Variants in DTNB observed in about 807,000 individuals in gnomAD.
DTNB encodes dystrobrevin beta, also known as DTN-B.
In DTNB, 63 loss-of-function variants were observed where a neutral mutation model predicts 90.7. That is an observed-to-expected ratio of 0.69 (90% CI 0.57 to 0.86). The LOEUF (loss-of-function observed/expected upper bound fraction) is 0.86. Among genes scored for constraint, DTNB ranks in the 40% least tolerant of loss-of-function variants. DTNB has a pLI of 0.00. For synonymous variants in DTNB, 277 were observed against 286.7 expected (o/e 0.97, Z 0.34); for missense variants, 744 against 807.1 (o/e 0.92, Z 0.95).
intron 2 of DTNB, among the ~76,000 whole-genome samples, chr2:25,643,109 G>A (rs931995675): frequency 6.6e-5 from 10 of 152,052 alleles, no homozygotes; most frequent in African/African-American, 1.9e-4. Flanking sequence ...GTACTACCCA[G>A]CTCAACTAAA....
chr2:25,441,964 A>AT (rs200610357), intron 12 of DTNB, among the ~76,000 whole-genome samples: 32 of 151,008 alleles, frequency 2.1e-4, no homozygotes, highest in Admixed American at 4.0e-4. Context: ...CCCTAAACAG[A>AT]TTTTTTTTTT....
chr2:25,512,607 G>A (rs1007983656), intron 9 of DTNB, among the ~76,000 whole-genome samples: 22 of 152,194 alleles, frequency 1.4e-4, no homozygotes, highest in African/African-American at 5.1e-4. Flanking sequence ...AACAATAAGA[G>A]CTCAAGGAAT....
At position 25,582,993 on chromosome 2, in the gene DTNB, A is replaced by ACTCAC. The variant is rs150243114; in HGVS notation, c.604-2172_604-2168dup. Among the ~76,000 whole-genome samples the ACTCAC allele has an allele frequency of 6.5e-4, 99 of 152,152 alleles. 2 individuals carry two copies. In the East Asian group the frequency reaches 0.018, roughly 27 times the overall value. On this transcript the variant is annotated intron_variant, in intron 6 of 20. Coordinates refer to ENST00000406818, the MANE Select transcript of DTNB (RefSeq NM_021907.5). Reference sequence around the variant, plus strand: ...TTATTGAGATTGGCTGGGCGTGGCAACTCACACCTGTAATCCCAGCACTTT... The same window carrying ACTCAC: ...TTATTGAGATTGGCTGGGCGTGGCAACTCACCTCACACCTGTAATCCCAGCACTTT...
In DTNB at chr2:25,455,475, T is replaced by C. The variant is rs748809000; in HGVS notation, c.1099A>G (p.Ile367Val). ...PTKRLQYSQD[I>V]PSHLADEHAL... ...TGCTCATCGGCCAAGTGACTGGGTA[T>C]ATCCTGGCTATACTGTAACCTAGGA... The change falls in exon 11 of 21, where the codon ATA becomes GTA. Residue 367 changes from isoleucine (I) to valine (V), a missense_variant. Ile to Val is a conservative substitution (Grantham distance 29). Transcript: ENST00000406818. 9 of 1,606,474 alleles carry C rather than the reference T, an allele frequency of 5.6e-6. No individual in the cohort carries two copies. Among genetic ancestry groups the C allele is most frequent in the Non-Finnish European group, 7.6e-6 (9 of 1,176,638 alleles).
intron 10 of DTNB, among the ~76,000 whole-genome samples, chr2:25,480,760 T>G (rs1420229611): frequency 6.6e-6 from 1 of 152,190 alleles, no homozygotes; most frequent in African/African-American, 2.4e-5. Context: ...AACTATGACC[T>G]GAATTCTTTG....
At chr2:25,635,341 G>A (rs906550954) in intron 3 of DTNB, among the ~76,000 whole-genome samples, 1 of 152,114 alleles carries the variant, frequency 6.6e-6, no homozygotes, top group Non-Finnish European at 1.5e-5. Flanking sequence ...TGGGGCAGGA[G>A]AATCAAACCT....
At chr2:25,670,807 T>C (rs895892374) in intron 1 of DTNB, among the ~76,000 whole-genome samples, 1 of 152,242 alleles carries the variant, frequency 6.6e-6, no homozygotes, top group Non-Finnish European at 1.5e-5. Flanking sequence ...TTACAAAGTA[T>C]ACAGCAGTCT....
intron 2 of DTNB, among the ~76,000 whole-genome samples, chr2:25,644,498 G>A (rs929454658): frequency 6.6e-6 from 1 of 152,240 alleles, no homozygotes; most frequent in Non-Finnish European, 1.5e-5. Context: ...GTTCATGCCT[G>A]TAATCCCAGC....
At chr2:25,469,128 T>C (rs2062316286) in intron 10 of DTNB, among the ~76,000 whole-genome samples, 1 of 152,106 alleles carries the variant, frequency 6.6e-6, no homozygotes, top group South Asian at 2.1e-4. Context: ...GGGTAGGGAA[T>C]GTTATAAAAG....
chr2:25,388,765 C>G (rs1324033363), intron 16 of DTNB: 1 of 180,678 alleles, frequency 5.5e-6, no homozygotes, highest in Non-Finnish European at 1.2e-5. Flanking sequence ...TGGACCCCTC[C>G]CCCCGCTGCT....
In DTNB at chr2:25,388,491, G is replaced by A. The variant is rs1340599988; in HGVS notation, c.1576-130C>T. On this transcript the variant is annotated intron_variant, in intron 16 of 20. Coordinates refer to ENST00000406818, the MANE Select transcript of DTNB (RefSeq NM_021907.5). ...AGTTCAGTGGTACAAGATCATACTT[G>A]AAAGGAAGGAGTTAGGCTGCTTCCA... The A allele has an allele frequency of 2.4e-6, 3 of 1,276,160 alleles. No homozygotes were observed. The African/African-American group carries it at 4.5e-5, about 19-fold the overall frequency. The allele number at this position is 1,276,160 out of a possible 1,614,324, so 79.1% of individuals were successfully genotyped here. A position where few individuals can be genotyped will look rare whatever the true frequency, so the allele number is the denominator to read the frequency against.
At chr2:25,633,019 A>G (rs945235318) in intron 3 of DTNB, among the ~76,000 whole-genome samples, 6 of 152,268 alleles carry the variant, frequency 3.9e-5, no homozygotes, top group Admixed American at 3.3e-4. Flanking sequence ...TTATTCAGAA[A>G]TAACAAAACT....
chr2:25,524,744 G>A (rs935290624), intron 9 of DTNB, among the ~76,000 whole-genome samples: 6 of 152,232 alleles, frequency 3.9e-5, no homozygotes, highest in African/African-American at 1.4e-4. Flanking sequence ...AGATGGTGGA[G>A]CCACAAGAGT....
intron 9 of DTNB, among the ~76,000 whole-genome samples, chr2:25,509,240 T>C (rs970374808): frequency 2.7e-4 from 41 of 152,224 alleles, no homozygotes; most frequent in Non-Finnish European, 1.8e-4. Flanking sequence ...TTGTTCCCAA[T>C]ATTAAGGTAA....
chr2:25,516,333 A>G (rs901713168), intron 9 of DTNB, among the ~76,000 whole-genome samples: 5 of 151,852 alleles, frequency 3.3e-5, no homozygotes, highest in Non-Finnish European at 7.4e-5. Context: ...TGCAGCCTCA[A>G]CCTCCCAGGC....
At chr2:25,567,939 T>C (rs2059276546) in intron 8 of DTNB, among the ~76,000 whole-genome samples, 1 of 152,178 alleles carries the variant, frequency 6.6e-6, no homozygotes, top group South Asian at 2.1e-4. Context: ...GGTGGGCAGA[T>C]CATGAGGTCA....
Position 25,644,298 on chromosome 2 carries a change from A to G in DTNB, c.68-5204T>C, listed in dbSNP as rs115426273. Among the ~76,000 whole-genome samples the G allele has an allele frequency of 8.5e-3, 1,300 of 152,344 alleles. 5 individuals carry two copies. The highest frequency in any genetic ancestry group is 0.013 in the Admixed American group (204 of 15,294). ...ATCTGGATCGGGACCCCTTTCCTGT[A>G]ACAAACCCATGGAAGATACAGGAAG... is the stretch of plus-strand genomic sequence containing the variant. On this transcript the variant is annotated intron_variant, in intron 2 of 20. Coordinates refer to ENST00000406818, the MANE Select transcript of DTNB (RefSeq NM_021907.5).
chr2:25,470,103 G>A (rs772079869), intron 10 of DTNB, among the ~76,000 whole-genome samples: 5 of 152,102 alleles, frequency 3.3e-5, no homozygotes, highest in Non-Finnish European at 5.9e-5. Flanking sequence ...AATGCACAAG[G>A]CCAGCTGATT....
chr2:25,545,885 G>A (rs2082310521), intron 8 of DTNB, among the ~76,000 whole-genome samples: 1 of 152,206 alleles, frequency 6.6e-6, no homozygotes. Flanking sequence ...GCCCCCCAAA[G>A]TGCTGGGATT....
Sources: gnomAD v4.1 joint callset for allele counts (sites outside exome capture counted in the v4.1 genomes callset) on GRCh38, gnomAD v4.1.1 for gene constraint, MANE v1.5 for transcripts, NCBI Gene and HGNC (gene_info 2026-07-23, HGNC 2026-07-21) for gene names.